ART3: variants seen among roughly 807,000 people sequenced by gnomAD.
The protein encoded by ART3 is ecto-ADP-ribosyltransferase 3.
ART3 carries 49 observed loss-of-function variants against 48.5 expected under a neutral mutation model. The observed-to-expected ratio is 1.01, with a 90% CI of 0.80 to 1.28. The LOEUF (loss-of-function observed/expected upper bound fraction) is 1.28, where lower values mean the gene tolerates loss of function less well. Ranked by LOEUF, ART3 falls within the 50% of genes most tolerant of loss-of-function variation. The pLI is 0.00. For synonymous variants in ART3, 145 were observed against 157.2 expected (o/e 0.92, Z 0.58); for missense variants, 438 against 454.3 (o/e 0.96, Z 0.33).
intron 1 of ART3, among the ~76,000 whole-genome samples, chr4:76,032,502 C>A (rs1240290244): frequency 6.6e-6 from 1 of 151,660 alleles, no homozygotes; most frequent in Non-Finnish European, 1.5e-5. Context: ...CCACCATGCC[C>A]AGCTGACTAT....
Position 76,112,518 on chromosome 4 carries a change from A to G in ART3, c.1169A>G (p.Ter390TrpextTer14). 1 of 1,611,200 alleles carries G rather than the reference A, an allele frequency of 6.2e-7. No homozygotes were observed. Among genetic ancestry groups the G allele is most frequent in the Non-Finnish European group, 8.5e-7 (1 of 1,178,518 alleles). ...VSAINLFVAL* is the reference protein window; with the variant it reads ...VSAINLFVALW The stretch of plus-strand genomic sequence containing the variant: ...GCTATAAATCTCTTTGTTGCTCTGT[A>G]GTTTGATGCATTGTTTATCTTTCTT... The change falls in exon 12 of 12, where the codon TAG becomes TGG. Residue 390 changes from the stop codon to tryptophan (W), a stop_lost. Transcript: ENST00000355810.
intron 1 of ART3, among the ~76,000 whole-genome samples, chr4:76,049,148 G>A (rs1735790858): frequency 6.6e-6 from 1 of 151,956 alleles, no homozygotes; most frequent in African/African-American, 2.4e-5. Flanking sequence ...TTTCTGATTG[G>A]TGAGCCTGGG....
At chr4:76,089,829 C>T (rs1287572669) in intron 3 of ART3, among the ~76,000 whole-genome samples, 1 of 152,096 alleles carries the variant, frequency 6.6e-6, no homozygotes, top group Non-Finnish European at 1.5e-5. Flanking sequence ...CGTCTGTAAT[C>T]CCAGCACTTT....
chr4:76,045,300 A>T (rs1735393980), intron 1 of ART3, among the ~76,000 whole-genome samples: 1 of 152,038 alleles, frequency 6.6e-6, no homozygotes, highest in Non-Finnish European at 1.5e-5. Flanking sequence ...GAAAAGTGGC[A>T]GGGTTGAGGG....
intron 1 of ART3, among the ~76,000 whole-genome samples, chr4:76,045,318 C>T (rs966429390): frequency 1.3e-5 from 2 of 152,094 alleles, no homozygotes; most frequent in East Asian, 3.9e-4. Context: ...GGGCCACGCA[C>T]GTGCATATTT....
intron 3 of ART3, among the ~76,000 whole-genome samples, chr4:76,092,606 CTTAG>C (rs1725146363): frequency 1.3e-5 from 2 of 152,080 alleles, no homozygotes; most frequent in South Asian, 4.1e-4. Flanking sequence ...TATGATGTAA[CTTAG>C]TGTCATTTTT....
chr4:76,072,495 G>A (rs537187198), upstream of ART3, among the ~76,000 whole-genome samples: 5 of 151,838 alleles, frequency 3.3e-5, no homozygotes, highest in Non-Finnish European at 7.4e-5. Context: ...TTCTCATTAC[G>A]TTTAATGCTG....
intron 1 of ART3, among the ~76,000 whole-genome samples, chr4:76,016,953 T>G (rs997365567): frequency 6.6e-6 from 1 of 151,972 alleles, no homozygotes; most frequent in Non-Finnish European, 1.5e-5. Flanking sequence ...CTGCCCAGCC[T>G]GGGACTCACG....
intron 5 of ART3, chr4:76,099,497 A>G (rs1343851258): frequency 5.9e-6 from 1 of 168,882 alleles, no homozygotes; most frequent in Non-Finnish European, 1.3e-5. Flanking sequence ...AGATCTGAAC[A>G]ATATGGAAAT....
intron 8 of ART3, among the ~76,000 whole-genome samples, chr4:76,102,317 G>T (rs907914579): frequency 1.4e-5 from 2 of 145,388 alleles, no homozygotes; most frequent in South Asian, 4.2e-4. Context: ...GGGAAATTCT[G>T]TTATTTCTTT....
chr4:76,082,269 T>C lies in ART3; in HGVS notation c.515T>C (p.Phe172Ser), dbSNP rs1560625820. Residue 172 changes from phenylalanine to serine, a missense_variant, in exon 3 of 12, where the codon TTT becomes TCT. By Grantham distance (155) the Phe-to-Ser change is radical. Transcript: ENST00000355810. ...ACAAGCCAGGGCACTTCATTTACAT[T>C]TGGAGGGCTAAACCAAGCCAGGTTT... is the stretch of plus-strand genomic sequence containing the variant. ...YRTSQGTSFT[F>S]GGLNQARFGH... The C allele has an allele frequency of 6.2e-7, 1 of 1,614,166 alleles. No individual in the cohort carries two copies. The highest frequency in any genetic ancestry group is 8.5e-7 in the Non-Finnish European group (1 of 1,180,024).
chr4:76,041,710 T>C (rs1560590820), intron 1 of ART3, among the ~76,000 whole-genome samples: 4 of 152,244 alleles, frequency 2.6e-5, no homozygotes. Context: ...ACTAGCTACA[T>C]TTCAAATGCT....
intron 1 of ART3, among the ~76,000 whole-genome samples, chr4:76,038,703 ATTTATTTATT>A: frequency 4.5e-5 from 1 of 22,090 alleles, no homozygotes; most frequent in Non-Finnish European, 7.7e-5. Context: ...TTGATTATTT[ATTTATTTATT>A]TATTTATTTA....
chr4:76,017,701 T>G (rs116806336), intron 1 of ART3, among the ~76,000 whole-genome samples: 34 of 152,300 alleles, frequency 2.2e-4, no homozygotes, highest in African/African-American at 8.2e-4. Context: ...CCTTTCAGAT[T>G]TATTTAGGAC....
chr4:76,112,551 A>G lies in ART3; in HGVS notation c.*32A>G. 2 of 1,590,162 alleles carry G rather than the reference A, an allele frequency of 1.3e-6. No individual in the cohort carries two copies. The highest frequency in any genetic ancestry group is 1.7e-6 in the Non-Finnish European group (2 of 1,166,334). ...GCATTGTTTATCTTTCTTATTCTTT[A>G]CTTGAAATAACTATAGGGATCCACA... On this transcript the variant is annotated 3_prime_UTR_variant, in exon 12 of 12. Coordinates refer to ENST00000355810, the MANE Select transcript of ART3 (RefSeq NM_001130016.3).
chr4:76,025,496 T>A (rs1733296256), intron 1 of ART3, among the ~76,000 whole-genome samples: 1 of 152,264 alleles, frequency 6.6e-6, no homozygotes, highest in Non-Finnish European at 1.5e-5. Flanking sequence ...ACATTAACTG[T>A]GTGCCAGGCA....
Position 76,082,016 on chromosome 4 carries a change from A to G in ART3, c.262A>G (p.Met88Val), listed in dbSNP as rs747312862. 9 of 1,614,240 alleles carry G rather than the reference A, an allele frequency of 5.6e-6. No individual in the cohort carries two copies. Among genetic ancestry groups the G allele is most frequent in the East Asian group, 2.2e-5 (1 of 44,884 alleles). The change falls in exon 3 of 12, where the codon ATG (methionine) becomes GTG (valine). Residue 88 changes from methionine to valine, a missense_variant. Physicochemically the swap from Met to Val is conservative, Grantham distance 21. This residue lies in a region of ART3 where 206 missense variants were observed against 205.3 expected (regional missense o/e 1.00). Transcript: ENST00000355810. ...AARKTQIFLP[M>V]NFKDNHGIAL... ...CCGAAAGACTCAAATCTTTCTCCCTATGAATTTTAAGGATAACCATGGAAT... is the reference window on the plus strand; with the variant it reads ...CCGAAAGACTCAAATCTTTCTCCCTGTGAATTTTAAGGATAACCATGGAAT...
chr4:76,033,303 T>C (rs914595214), intron 1 of ART3, among the ~76,000 whole-genome samples: 1 of 152,222 alleles, frequency 6.6e-6, no homozygotes, highest in African/African-American at 2.4e-5. Context: ...TGTAAGACTT[T>C]CATTGTTTCT....
At chr4:76,049,455 A>C (rs968470281) in intron 1 of ART3, among the ~76,000 whole-genome samples, 3 of 151,164 alleles carry the variant, frequency 2.0e-5, no homozygotes, top group Admixed American at 1.3e-4. Context: ...CTCTCTGTCG[A>C]CCCTCGGCTC....
Sources: gnomAD v4.1 joint callset for allele counts (sites outside exome capture counted in the v4.1 genomes callset) on GRCh38, gnomAD v4.1.1 for gene constraint, gnomAD v4.1.1 regional missense constraint, MANE v1.5 for transcripts, NCBI Gene and HGNC (gene_info 2026-07-23, HGNC 2026-07-21) for gene names.